Variants in ATF7IP2 observed in about 807,000 individuals in gnomAD.
The protein encoded by ATF7IP2 is activating transcription factor 7-interacting protein 2.
In ATF7IP2, 42 loss-of-function variants were observed where a neutral mutation model predicts 64.2. That is an observed-to-expected ratio of 0.65 (90% CI 0.51 to 0.85). The LOEUF (loss-of-function observed/expected upper bound fraction) is 0.85. Ranked by LOEUF, ATF7IP2 falls within the 40% of genes least tolerant of loss-of-function variation. ATF7IP2 has a pLI of 0.00. For synonymous variants in ATF7IP2, 308 were observed against 272.8 expected, an observed-to-expected ratio of 1.13 and a Z score of -1.27; for missense variants, 933 against 784.2, an observed-to-expected ratio of 1.19 and a Z score of -2.27.
At chr16:10,442,768 CA>C (rs35288653) in intron 8 of ATF7IP2, among the ~76,000 whole-genome samples, 112,427 of 151,972 alleles carry the variant, frequency 0.74, 41,768 homozygotes, top group East Asian at 0.87. Flanking sequence ...ATTCTATTTT[CA>C]CAGGCCATTT....
At chr16:10,453,281 G>A (rs531971539) in intron 8 of ATF7IP2, among the ~76,000 whole-genome samples, 46 of 152,276 alleles carry the variant, frequency 3.0e-4, no homozygotes, top group Middle Eastern at 3.4e-3. Flanking sequence ...TGCAGTATCT[G>A]GGCTGGAGTG....
At chr16:10,451,653 G>A (rs973216747) in intron 8 of ATF7IP2, among the ~76,000 whole-genome samples, 15 of 151,946 alleles carry the variant, frequency 9.9e-5, no homozygotes, top group South Asian at 4.2e-4. Flanking sequence ...TTCTCATACC[G>A]TGTTTTTCAG....
At chr16:10,403,758 A>G (rs2047581088) in intron 1 of ATF7IP2, among the ~76,000 whole-genome samples, 1 of 152,226 alleles carries the variant, frequency 6.6e-6, no homozygotes, top group African/African-American at 2.4e-5. Context: ...GGAAATAGAT[A>G]TCTTTTCGTA....
At chr16:10,398,853 C>T (rs2047472005) in intron 1 of ATF7IP2, among the ~76,000 whole-genome samples, 1 of 152,172 alleles carries the variant, frequency 6.6e-6, no homozygotes, top group South Asian at 2.1e-4. Context: ...GTGGCTCACT[C>T]CTGTAATCCC....
intron 8 of ATF7IP2, among the ~76,000 whole-genome samples, chr16:10,456,244 G>C (rs568994006): frequency 6.6e-6 from 1 of 152,270 alleles, no homozygotes; most frequent in Admixed American, 6.5e-5. Flanking sequence ...TAGCAGAAAG[G>C]AACCAGGACT....
intron 6 of ATF7IP2, among the ~76,000 whole-genome samples, chr16:10,437,722 G>C (rs1181480431): frequency 6.6e-6 from 1 of 152,134 alleles, no homozygotes; most frequent in African/African-American, 2.4e-5. Flanking sequence ...CTGGTTTTCA[G>C]ATAAGTAGAG....
chr16:10,471,577 A>T (rs1027209415), intron 9 of ATF7IP2, among the ~76,000 whole-genome samples: 2 of 152,146 alleles, frequency 1.3e-5, no homozygotes, highest in African/African-American at 4.8e-5. Context: ...AATGGCTTGA[A>T]ATATTCTATA....
chr16:10,473,998 A>G lies in ATF7IP2; in HGVS notation c.1549+9A>G, dbSNP rs368804210. The G allele has an allele frequency of 2.9e-5, 45 of 1,557,620 alleles. No homozygotes were observed. The African/African-American group carries it at 5.8e-4, about 20-fold the overall frequency. ...ATCCAACTGCAATACAGGTAAAAGG[A>G]TTTTTTAGATCTTTCTTTTGTAAAA... On this transcript the variant is annotated intron_variant, in intron 12 of 13. Transcript: ENST00000562102.
At chr16:10,406,384 G>A (rs1333208863) in intron 1 of ATF7IP2, among the ~76,000 whole-genome samples, 2 of 152,122 alleles carry the variant, frequency 1.3e-5, no homozygotes, top group African/African-American at 4.8e-5. Context: ...GGGATTACAG[G>A]CGTGAACCAC....
intron 1 of ATF7IP2, among the ~76,000 whole-genome samples, chr16:10,393,186 T>C (rs2047360515): frequency 6.6e-6 from 1 of 151,792 alleles, no homozygotes; most frequent in Non-Finnish European, 1.5e-5. Flanking sequence ...GGTGGGCACC[T>C]GTAATCCCAG....
intron 1 of ATF7IP2, among the ~76,000 whole-genome samples, chr16:10,411,911 T>G (rs534566424): frequency 1.3e-5 from 2 of 150,392 alleles, no homozygotes; most frequent in Admixed American, 1.3e-4. Flanking sequence ...ATTTGTTTTT[T>G]TTTTTTTCCT....
intron 1 of ATF7IP2, among the ~76,000 whole-genome samples, chr16:10,391,878 A>G (rs2141736082): frequency 6.6e-6 from 1 of 151,802 alleles, no homozygotes; most frequent in South Asian, 2.1e-4. Flanking sequence ...CCTGGGTGAC[A>G]GAGTGAGATT....
intron 5 of ATF7IP2, among the ~76,000 whole-genome samples, chr16:10,432,578 A>G (rs986368432): frequency 1.3e-5 from 2 of 152,148 alleles, no homozygotes; most frequent in East Asian, 3.9e-4. Context: ...TCTTAAAGAA[A>G]AAAAAAGAAG....
At chr16:10,427,924 A>G (rs1412375750) in intron 3 of ATF7IP2, among the ~76,000 whole-genome samples, 1 of 152,106 alleles carries the variant, frequency 6.6e-6, no homozygotes, top group Non-Finnish European at 1.5e-5. Flanking sequence ...AAATTTTGGT[A>G]TATCTACCCA....
At chr16:10,396,554 G>T (rs2047422542) in intron 1 of ATF7IP2, among the ~76,000 whole-genome samples, 1 of 151,996 alleles carries the variant, frequency 6.6e-6, no homozygotes, top group Non-Finnish European at 1.5e-5. Flanking sequence ...ATGGAATCTT[G>T]CTCTGTGGCC....
intron 9 of ATF7IP2, 142 bp from the exon 10 acceptor site, chr16:10,471,968 T>C: frequency 2.2e-6 from 1 of 452,248 alleles, no homozygotes; most frequent in Non-Finnish European, 3.9e-6. Context: ...GTATTTGGTT[T>C]TATCATTTCT....
intron 8 of ATF7IP2, among the ~76,000 whole-genome samples, chr16:10,444,439 G>A (rs888526406): frequency 3.9e-5 from 6 of 152,110 alleles, no homozygotes; most frequent in African/African-American, 4.8e-5. Flanking sequence ...TGATGAGGAC[G>A]TAATCTCCAG....
At chr16:10,392,673 T>G (rs1010967048) in intron 1 of ATF7IP2, among the ~76,000 whole-genome samples, 1 of 152,064 alleles carries the variant, frequency 6.6e-6, no homozygotes, top group East Asian at 1.9e-4. Context: ...AACATTGATA[T>G]AAAAATTATA....
intron 8 of ATF7IP2, among the ~76,000 whole-genome samples, chr16:10,455,942 CTA>C (rs2049149978): frequency 6.6e-6 from 1 of 151,974 alleles, no homozygotes; most frequent in African/African-American, 2.4e-5. Context: ...AACTTGTAAA[CTA>C]TGAATTTGGA....
Sources: allele counts gnomAD v4.1 joint callset (sites outside exome capture counted in the v4.1 genomes callset), GRCh38; gene constraint gnomAD v4.1.1; transcripts MANE v1.5; gene names NCBI Gene and HGNC (gene_info 2026-07-23, HGNC 2026-07-21).